Variants in GMDS observed in about 807,000 individuals in gnomAD.
GMDS encodes the protein GDP-mannose 4,6 dehydratase.
Under a neutral mutation model 49.9 loss-of-function variants are expected in GMDS, and 20 were observed. The observed-to-expected ratio is 0.40, with a 90% confidence interval of 0.28 to 0.58. The LOEUF (loss-of-function observed/expected upper bound fraction) is 0.58, where lower values mean the gene tolerates loss of function less well. Ranked by LOEUF, GMDS falls within the 20% of genes least tolerant of loss-of-function variation. The pLI is 0.42. For missense variants in GMDS, 362 were observed against 481.4 expected, an observed-to-expected ratio of 0.75 and a Z score of 2.32; for synonymous variants, 177 against 178.6, an observed-to-expected ratio of 0.99 and a Z score of 0.07.
chr6:2,095,707 G>A (rs1439728588), intron 4 of GMDS, among the ~76,000 whole-genome samples: 1 of 151,980 alleles, frequency 6.6e-6, no homozygotes, highest in Non-Finnish European at 1.5e-5. Flanking sequence ...TTTAATATAC[G>A]GGAATCTTAG....
At chr6:2,224,612 A>G (rs1428314425) in intron 1 of GMDS, among the ~76,000 whole-genome samples, 1 of 152,238 alleles carries the variant, frequency 6.6e-6, no homozygotes, top group Non-Finnish European at 1.5e-5. Context: ...GAAATATTTT[A>G]TGTACAAGTT....
intron 7 of GMDS, among the ~76,000 whole-genome samples, chr6:1,758,381 G>A (rs7746168): frequency 5.1e-4 from 78 of 152,238 alleles, no homozygotes; most frequent in African/African-American, 1.9e-3. Context: ...ACGTTTGAAT[G>A]CCTGCCTGCC....
At chr6:1,725,183 T>A (rs1230917173) in intron 9 of GMDS, among the ~76,000 whole-genome samples, 2 of 152,220 alleles carry the variant, frequency 1.3e-5, no homozygotes, top group Non-Finnish European at 2.9e-5. Flanking sequence ...ATATGAACGT[T>A]TCTCTCTAGA....
At chr6:1,914,142 T>TG (rs1413848435) in intron 7 of GMDS, among the ~76,000 whole-genome samples, 1 of 146,570 alleles carries the variant, frequency 6.8e-6, no homozygotes, top group African/African-American at 2.5e-5. Flanking sequence ...TTTTTTTTTT[T>TG]TTTTTTTTTT....
intron 4 of GMDS, among the ~76,000 whole-genome samples, chr6:2,063,802 AAG>A (rs1444247673): frequency 6.6e-6 from 1 of 152,240 alleles, no homozygotes; most frequent in East Asian, 1.9e-4. Context: ...CTTCCATAAC[AAG>A]ACAAAAGTCA....
At chr6:2,231,110 G>C (rs934278556) in intron 1 of GMDS, among the ~76,000 whole-genome samples, 3 of 151,854 alleles carry the variant, frequency 2.0e-5, no homozygotes, top group Non-Finnish European at 4.4e-5. Flanking sequence ...TCAGTTTCAA[G>C]TTCCCAAGTT....
At chr6:1,989,246 C>T (rs1379319172) in intron 4 of GMDS, among the ~76,000 whole-genome samples, 1 of 152,142 alleles carries the variant, frequency 6.6e-6, no homozygotes, top group African/African-American at 2.4e-5. Flanking sequence ...CTTTAGAATC[C>T]GAGAGCTAAG....
intron 1 of GMDS, among the ~76,000 whole-genome samples, chr6:2,233,606 G>A (rs1581837772): frequency 6.6e-6 from 1 of 152,210 alleles, no homozygotes; most frequent in Admixed American, 6.5e-5. Flanking sequence ...GATCACTTGA[G>A]GTCAGGAGTT....
chr6:1,908,148 A>T (rs1383801506), intron 7 of GMDS, among the ~76,000 whole-genome samples: 3 of 152,306 alleles, frequency 2.0e-5, no homozygotes, highest in African/African-American at 7.2e-5. Context: ...ATGGGTGGGG[A>T]ACATCGACAG....
At chr6:2,020,700 A>T (rs1208352381) in intron 4 of GMDS, among the ~76,000 whole-genome samples, 2 of 152,170 alleles carry the variant, frequency 1.3e-5, no homozygotes, top group African/African-American at 4.8e-5. Flanking sequence ...GGGGGAAATT[A>T]ATATTTAATG....
intron 6 of GMDS, among the ~76,000 whole-genome samples, chr6:1,932,032 G>A (rs1383686982): frequency 6.6e-6 from 1 of 152,130 alleles, no homozygotes; most frequent in African/African-American, 2.4e-5. Flanking sequence ...AAAGCCTTTG[G>A]GGTTGTAGCA....
At chr6:1,977,892 C>A (rs752289249) in intron 4 of GMDS, among the ~76,000 whole-genome samples, 8 of 152,148 alleles carry the variant, frequency 5.3e-5, no homozygotes, top group Non-Finnish European at 1.2e-4. Context: ...CCCAGGATAT[C>A]CAGCAAATAT....
intron 8 of GMDS, among the ~76,000 whole-genome samples, chr6:1,739,348 C>A (rs1276387161): frequency 1.3e-5 from 2 of 152,200 alleles, no homozygotes; most frequent in South Asian, 2.1e-4. Flanking sequence ...AGTAGGGGTG[C>A]GGCTCCTGGC....
chr6:1,800,738 G>T (rs1484828131), intron 7 of GMDS, among the ~76,000 whole-genome samples: 2 of 151,692 alleles, frequency 1.3e-5, no homozygotes, highest in African/African-American at 4.8e-5. Context: ...GCTGGGATTA[G>T]ACATCTATTT....
chr6:1,956,817 CT>C (rs201065361), intron 6 of GMDS, among the ~76,000 whole-genome samples: 23,853 of 146,564 alleles, frequency 0.16, 1,821 homozygotes, highest in East Asian at 0.2. Flanking sequence ...CATTTATTAG[CT>C]TTTTTTTTTT....
At chr6:1,816,385 T>C (rs965338720) in intron 7 of GMDS, among the ~76,000 whole-genome samples, 1 of 152,196 alleles carries the variant, frequency 6.6e-6, no homozygotes, top group Non-Finnish European at 1.5e-5. Flanking sequence ...ATAAAACGAC[T>C]GATTTATGAC....
chr6:1,890,273 G>C (rs1759809660), intron 7 of GMDS, among the ~76,000 whole-genome samples: 1 of 152,184 alleles, frequency 6.6e-6, no homozygotes, highest in African/African-American at 2.4e-5. Flanking sequence ...GTCTAGTGGG[G>C]GTGAAGTGGT....
Position 1,748,200 on chromosome 6 carries a change from C to T in GMDS, c.772-5614G>A, listed in dbSNP as rs560051289. 2.0e-5 allele frequency among the ~76,000 whole-genome samples: 3 copies of T among 152,264 alleles called. No homozygotes were observed. The South Asian group carries it at 6.2e-4, about 32-fold the overall frequency. On this transcript the variant is annotated intron_variant, in intron 7 of 10. Coordinates refer to ENST00000380815, the MANE Select transcript of GMDS (RefSeq NM_001500.4). ...AATATAAAATCGAACAGCTCCTAGTCTTGTGTTAATCATTCTGAATCAGTT... is the reference window on the plus strand; with the variant it reads ...AATATAAAATCGAACAGCTCCTAGTTTTGTGTTAATCATTCTGAATCAGTT...
intron 7 of GMDS, among the ~76,000 whole-genome samples, chr6:1,775,283 C>G (rs749037220): frequency 3.9e-5 from 6 of 152,136 alleles, no homozygotes; most frequent in African/African-American, 1.4e-4. Flanking sequence ...CTGGAAGAGC[C>G]AAAACGATGC....
Sources: gnomAD v4.1 joint callset for allele counts (sites outside exome capture counted in the v4.1 genomes callset) on GRCh38, gnomAD v4.1.1 for gene constraint, MANE v1.5 for transcripts, NCBI Gene and HGNC (gene_info 2026-07-23, HGNC 2026-07-21) for gene names.